Variants in OOEP observed in about 807,000 individuals in gnomAD.
OOEP encodes oocyte expressed protein, also known as oocyte-expressed protein homolog.
A neutral mutation model predicts 13.7 loss-of-function variants in OOEP; 16 were observed. The ratio of observed to expected loss-of-function variants is 1.16; its 90% CI spans 0.79 to 1.77. OOEP has a LOEUF of 1.77. Ranked by LOEUF, OOEP falls within the 40% of genes most tolerant of loss-of-function variation. The pLI is 0.00. For synonymous variants in OOEP, 89 were observed against 77.1 expected, an observed-to-expected ratio of 1.15 and a Z score of -0.81; for missense variants, 195 against 193.1, an observed-to-expected ratio of 1.01 and a Z score of -0.06.
intron 2 of OOEP, among the ~76,000 whole-genome samples, chr6:73,379,419 G>A (rs2150781044): frequency 6.6e-6 from 1 of 151,444 alleles, no homozygotes; most frequent in East Asian, 2.0e-4. Flanking sequence ...CAAGGCGGGT[G>A]GATCACTTGA....
chr6:73,374,544 C>G (rs190523046), upstream of OOEP, among the ~76,000 whole-genome samples: 64 of 152,288 alleles, frequency 4.2e-4, no homozygotes, highest in African/African-American at 1.5e-3. Flanking sequence ...CTCCTTTCAC[C>G]TTACCTTCTC....
upstream of OOEP, among the ~76,000 whole-genome samples, chr6:73,371,758 A>T (rs552902752): frequency 3.1e-4 from 46 of 150,608 alleles, no homozygotes; most frequent in South Asian, 1.7e-3. Flanking sequence ...CTCAAAAATA[A>T]AAAAAAATAA....
intron 2 of OOEP, chr6:73,390,905 T>G (rs1170330500): frequency 1.3e-5 from 2 of 150,778 alleles, no homozygotes; most frequent in Non-Finnish European, 3.0e-5. Context: ...CCTTAAAGTA[T>G]AATAATAATA....
chr6:73,380,659 T>C (rs537049509), intron 2 of OOEP, among the ~76,000 whole-genome samples: 3 of 152,200 alleles, frequency 2.0e-5, no homozygotes, highest in Non-Finnish European at 4.4e-5. Flanking sequence ...TTCTTGAGCG[T>C]CACACTTAAT....
intron 2 of OOEP, among the ~76,000 whole-genome samples, chr6:73,392,304 T>A (rs2150784168): frequency 6.6e-6 from 1 of 152,298 alleles, no homozygotes; most frequent in African/African-American, 2.4e-5. Flanking sequence ...TATTTAATGT[T>A]TTTTTATCTT....
chr6:73,374,802 CATACTT>C (rs1769112013), upstream of OOEP, among the ~76,000 whole-genome samples: 1 of 152,114 alleles, frequency 6.6e-6, no homozygotes, highest in Admixed American at 6.6e-5. Flanking sequence ...AGACTGATCT[CATACTT>C]AACTATTTAT....
At chr6:73,374,273 A>G (rs1259486579), upstream of OOEP, among the ~76,000 whole-genome samples, 1 of 152,108 alleles carries the variant, frequency 6.6e-6, no homozygotes, top group Non-Finnish European at 1.5e-5. Context: ...AGTCTATGAA[A>G]GTCGTAATGC....
At chr6:73,381,492 G>A (rs1769208617) in intron 2 of OOEP, among the ~76,000 whole-genome samples, 2 of 152,168 alleles carry the variant, frequency 1.3e-5, no homozygotes, top group South Asian at 2.1e-4. Flanking sequence ...GGTGTTTTAG[G>A]TGGGGAAGGA....
Position 73,368,779 on chromosome 6 carries a change from T to G in OOEP, c.*5A>C. 1.9e-6 allele frequency: 3 copies of G among 1,595,856 alleles called. No individual in the cohort carries two copies. The highest frequency in any genetic ancestry group is 2.6e-6 in the Non-Finnish European group (3 of 1,163,428). The stretch of plus-strand genomic sequence containing the variant: ...TAAGATGTTCCCAACAGTAACTATG[T>G]TGTCTTAAGCAACAGGATCCTGGGG... On this transcript the variant is annotated 3_prime_UTR_variant, in exon 3 of 3. Transcript: ENST00000370359.
chr6:73,386,801 A>G (rs1769277965), intron 2 of OOEP, among the ~76,000 whole-genome samples: 1 of 151,824 alleles, frequency 6.6e-6, no homozygotes, highest in Admixed American at 6.6e-5. Context: ...CCCTGTCTCT[A>G]TTAAAAATAC....
At position 73,388,209 on chromosome 6, in the gene OOEP, A is replaced by G. The variant is rs975558360; in HGVS notation, c.25+6137T>C. Among the ~76,000 whole-genome samples, 4 of 152,192 alleles carry G rather than the reference A, an allele frequency of 2.6e-5. No individual in the cohort carries two copies. In the South Asian group the frequency reaches 8.3e-4, roughly 32 times the overall value. On this transcript the variant is annotated intron_variant, in intron 2 of 3. Coordinates refer to the OOEP transcript ENST00000370363. ...AATGGAATTAAAATTTCTTTTCGTGAGAAAAAAAATCCTTATGCCTCCCCC... is the reference window on the plus strand; with the variant it reads ...AATGGAATTAAAATTTCTTTTCGTGGGAAAAAAAATCCTTATGCCTCCCCC...
rs146863703 is a variant in OOEP, at chr6:73,390,393, G to A, written c.25+3953C>T. Among the ~76,000 whole-genome samples, 721 of 152,056 alleles carry A rather than the reference G, an allele frequency of 4.7e-3. 4 individuals carry two copies. Among genetic ancestry groups the A allele is most frequent in the African/African-American group, 0.017 (688 of 41,470 alleles). ...GCCCTCCAAAGATACTTAATACCAGGGTTGCTCAAATTCTTTACGTAAAAT... is the reference window on the plus strand; with the variant it reads ...GCCCTCCAAAGATACTTAATACCAGAGTTGCTCAAATTCTTTACGTAAAAT... On this transcript the variant is annotated intron_variant, in intron 2 of 3. Transcript: ENST00000370363.
At chr6:73,372,113 C>G (rs1021209894), upstream of OOEP, among the ~76,000 whole-genome samples, 3 of 152,054 alleles carry the variant, frequency 2.0e-5, no homozygotes, top group Non-Finnish European at 2.9e-5. Context: ...AAAAATAAAC[C>G]TAAAAAAATT....
At chr6:73,380,342 G>A (rs900374906) in intron 2 of OOEP, among the ~76,000 whole-genome samples, 3 of 151,306 alleles carry the variant, frequency 2.0e-5, no homozygotes, top group Non-Finnish European at 4.4e-5. Flanking sequence ...CTGTCTCCTG[G>A]GCTTAAGCGA....
upstream of OOEP, among the ~76,000 whole-genome samples, chr6:73,374,807 TTAAC>T (rs1252914699): frequency 2.6e-5 from 4 of 152,286 alleles, no homozygotes; most frequent in Admixed American, 2.0e-4. Flanking sequence ...GATCTCATAC[TTAAC>T]TATTTATTTA....
chr6:73,371,319 C>A (rs926495649), upstream of OOEP, among the ~76,000 whole-genome samples: 2 of 152,076 alleles, frequency 1.3e-5, no homozygotes, highest in African/African-American at 2.4e-5. Context: ...AAACCTTAAC[C>A]TGGCCAGGCA....
chr6:73,383,525 C>T, intron 2 of OOEP, among the ~76,000 whole-genome samples: 1 of 151,978 alleles, frequency 6.6e-6, no homozygotes, highest in Non-Finnish European at 1.5e-5. Context: ...GTCTCAGCTG[C>T]TCAGAAGGCT....
chr6:73,372,358 G>A (rs748113407), upstream of OOEP, among the ~76,000 whole-genome samples: 4 of 152,090 alleles, frequency 2.6e-5, no homozygotes, highest in Non-Finnish European at 4.4e-5. Context: ...GCTGGACACC[G>A]TGAAGCAGTT....
chr6:73,394,716 C>T (rs1325037414), intron 1 of OOEP: 22 of 800,528 alleles, frequency 2.7e-5, no homozygotes, highest in Non-Finnish European at 4.0e-5. Flanking sequence ...CCACAACGCT[C>T]ACTGGCCAAT....
Sources: allele counts gnomAD v4.1 joint callset (sites outside exome capture counted in the v4.1 genomes callset), GRCh38; gene constraint gnomAD v4.1.1; transcripts MANE v1.5; gene names NCBI Gene and HGNC (gene_info 2026-07-23, HGNC 2026-07-21).